The following RBCK1 variants were observed in gnomAD, a reference collection of about 807,000 sequenced individuals.
The protein encoded by RBCK1 is RANBP2-type and C3HC4-type zinc finger containing 1, also known as ranBP-type and C3HC4-type zinc finger-containing protein 1.
RBCK1 carries 44 observed loss-of-function variants against 71.1 expected under a neutral mutation model. The observed-to-expected ratio is 0.62, with a 90% CI of 0.49 to 0.80. The LOEUF (loss-of-function observed/expected upper bound fraction) is 0.80. RBCK1 is among the 30% of genes least tolerant of loss of function. RBCK1 has a pLI of 0.00. For missense variants in RBCK1, 569 were observed against 685.0 expected (o/e 0.83, Z 1.89); for synonymous variants, 306 against 279.7 (o/e 1.09, Z -0.94).
At chr20:427,001 T>TA (rs112886032) in intron 8 of RBCK1, among the ~76,000 whole-genome samples, 18,180 of 151,364 alleles carry the variant, frequency 0.12, 1,975 homozygotes, top group African/African-American at 0.29. Flanking sequence ...TTTTATTTTT[T>TA]AAAAAAATTT....
At position 420,896 on chromosome 20, in the gene RBCK1, A is replaced by G. The variant is rs377605009; in HGVS notation, c.782A>G (p.Asn261Ser). ...QQRKQQQQEG[N>S]YLQHVQLDQR... ...CGGAAGCAGCAGCAGCAGGAGGGGA[A>G]CTACCTGCAGCACGTCCAGCTGGAC... The change falls in exon 7 of 12, where the codon AAC becomes AGC. Residue 261 changes from asparagine to serine, a missense_variant. By Grantham distance (46) the Asn-to-Ser change is conservative. Transcript: ENST00000356286. 613 of 1,554,694 alleles carry G rather than the reference A, an allele frequency of 3.9e-4. No homozygotes were observed. Among genetic ancestry groups the G allele is most frequent in the Middle Eastern group, 2.4e-3 (11 of 4,566 alleles).
chr20:419,684 C>G lies in RBCK1; in HGVS notation c.709C>G (p.Arg237Gly), dbSNP rs762315366. The G allele has an allele frequency of 1.8e-5, 28 of 1,577,466 alleles. No homozygotes were observed. Among genetic ancestry groups the G allele is most frequent in the South Asian group, 4.6e-5 (4 of 87,036 alleles). ...CTCATACCAGCCCGACGAGGAGGAGCGAGCGCGCCTGGCGGGCGAGGAGGA... is the reference window on the plus strand; with the variant it reads ...CTCATACCAGCCCGACGAGGAGGAGGGAGCGCGCCTGGCGGGCGAGGAGGA... Reference protein sequence around the residue: ...PASYQPDEEERARLAGEEEAL... With the variant: ...PASYQPDEEEGARLAGEEEAL... Residue 237 changes from arginine (R) to glycine (G), a missense_variant, in exon 6 of 12, where the codon CGA becomes GGA. Physicochemically the swap from Arg to Gly is moderately radical, Grantham distance 125 (BLOSUM62 -2). Coordinates refer to ENST00000356286, the MANE Select transcript of RBCK1 (RefSeq NM_031229.4).
At chr20:418,064 G>A (rs983538178) in intron 4 of RBCK1, 134 bp downstream of exon 4, 6 of 890,022 alleles carry the variant, frequency 6.7e-6, no homozygotes, top group Non-Finnish European at 1.0e-5. Context: ...AAGTGGGGAA[G>A]AGAGGACCTA....
At chr20:411,639 C>T (rs6139113) in intron 2 of RBCK1, among the ~76,000 whole-genome samples, 26,725 of 152,094 alleles carry the variant, frequency 0.18, 2,697 homozygotes, top group East Asian at 0.3. Context: ...TGTGCTGGGA[C>T]TACAGGCGTG....
At chr20:410,520 A>AT in intron 2 of RBCK1, 1 of 779,794 alleles carries the variant, frequency 1.3e-6, no homozygotes, top group Non-Finnish European at 2.4e-6. Context: ...TAGCTCAAAA[A>AT]TTGTACACAC....
At position 428,571 on chromosome 20, in the gene RBCK1, G is replaced by A; in HGVS notation, c.1290G>A (p.Gln430=). Residue 430 remains glutamine (Q), a synonymous_variant, in exon 10 of 12, where the codon CAG becomes CAA. Coordinates refer to ENST00000356286, the MANE Select transcript of RBCK1 (RefSeq NM_031229.4). The surrounding 1 kb of genome is among the most constrained non-coding windows in gnomAD (Gnocchi z 5.7). The part of the protein sequence containing the change: ...LRAQNDVAAR[Q]TTEMLKVMLQ... The stretch of plus-strand genomic sequence containing the variant: ...CTCAGAACGATGTGGCTGCCCGGCA[G>A]ACGACAGAGATGCTGAAGGTGAGGC... 6.2e-7 allele frequency: 1 copy of A among 1,611,638 alleles called. No individual in the cohort carries two copies. The highest frequency in any genetic ancestry group is 8.5e-7 in the Non-Finnish European group (1 of 1,179,144).
intron 6 of RBCK1, 81 bp downstream of exon 6, chr20:419,812 G>T: frequency 6.8e-7 from 1 of 1,469,134 alleles, no homozygotes; most frequent in Non-Finnish European, 9.0e-7. Context: ...CCTGCGCACT[G>T]CCGCGCCTCT....
At chr20:420,751 C>T (rs2016365347) in intron 6 of RBCK1, 120 bp from the exon 7 acceptor site, 1 of 367,284 alleles carries the variant, frequency 2.7e-6, no homozygotes, top group Non-Finnish European at 4.4e-6. Context: ...TACTGGCTCC[C>T]AGCTTTGCCT....
chr20:423,272 C>G (rs928903673), intron 8 of RBCK1, among the ~76,000 whole-genome samples: 2 of 152,196 alleles, frequency 1.3e-5, no homozygotes, highest in African/African-American at 4.8e-5. Context: ...GCACTCCAGC[C>G]TGGGCAACCA....
chr20:427,436 G>C lies in RBCK1; in HGVS notation c.1153G>C (p.Asp385His), dbSNP rs762445622. ...DCKGWCFFED[D>H]VNEFTCPVCF... ...CAAGGGATGGTGCTTCTTTGAGGAT[G>C]ATGTCAATGAGTTCACCTGCCCTGT... is the stretch of plus-strand genomic sequence containing the variant. Residue 385 changes from aspartate to histidine, a missense_variant, in exon 9 of 12, where the codon GAT becomes CAT. Asp to His is a moderately conservative substitution (Grantham distance 81). Transcript: ENST00000356286. 10 of 1,614,164 alleles carry C rather than the reference G, an allele frequency of 6.2e-6. No individual in the cohort carries two copies. The highest frequency in any genetic ancestry group is 1.1e-5 in the South Asian group (1 of 91,076).
Position 428,626 on chromosome 20 carries a change from A to G in RBCK1, c.1308+37A>G, listed in dbSNP as rs2016858522. ...ACAGGGCCGAGGCCTAGGGATTTTA[A>G]GTTCTGGGATCCAGGTGGGGGCTGG... On this transcript the variant is annotated intron_variant, in intron 10 of 11. Transcript: ENST00000356286. This position sits in a 1 kb window ranked among gnomAD's most constrained non-coding sequence, Gnocchi z 5.7. 6.4e-7 allele frequency: 1 copy of G among 1,565,782 alleles called. No homozygotes were observed. Among genetic ancestry groups the G allele is most frequent in the African/African-American group, 1.4e-5 (1 of 73,738 alleles).
At chr20:429,836 T>G (rs2016928246) in intron 11 of RBCK1, among the ~76,000 whole-genome samples, 1 of 152,226 alleles carries the variant, frequency 6.6e-6, no homozygotes, top group Admixed American at 6.5e-5. Context: ...ATACTGACTG[T>G]GTGATTAGGC....
In RBCK1 at chr20:408,736, G is replaced by A. The variant is rs529733446; in HGVS notation, c.-22G>A. 6.2e-7 allele frequency: 1 copy of A among 1,612,540 alleles called. No individual in the cohort carries two copies. The highest frequency in any genetic ancestry group is 1.3e-5 in the African/African-American group (1 of 75,042). Reference sequence around the variant, plus strand: ...CCCAGGAGGCACGGTCCCCCCCAGGGGGATGGGCACAGCCACGCCAGATGG... The same window carrying A: ...CCCAGGAGGCACGGTCCCCCCCAGGAGGATGGGCACAGCCACGCCAGATGG... On this transcript the variant is annotated 5_prime_UTR_variant, in exon 1 of 12. Coordinates refer to ENST00000356286, the MANE Select transcript of RBCK1 (RefSeq NM_031229.4).
chr20:408,689 A>C lies in RBCK1; in HGVS notation c.-69A>C. Reference sequence around the variant, plus strand: ...TTGCTCCTGGTCTCCCGCCTCTCCCAGGCGACCCGGAGGTAGCATTTCCCA... The same window carrying C: ...TTGCTCCTGGTCTCCCGCCTCTCCCCGGCGACCCGGAGGTAGCATTTCCCA... On this transcript the variant is annotated 5_prime_UTR_variant, in exon 1 of 12. Transcript: ENST00000356286. 6.3e-7 allele frequency: 1 copy of C among 1,596,446 alleles called. No individual in the cohort carries two copies. Among genetic ancestry groups the C allele is most frequent in the Non-Finnish European group, 8.5e-7 (1 of 1,172,456 alleles).
chr20:417,680 T>C lies in RBCK1; in HGVS notation c.262-52T>C. 2 of 1,603,790 alleles carry C rather than the reference T, an allele frequency of 1.2e-6. No individual in the cohort carries two copies. The highest frequency in any genetic ancestry group is 1.7e-6 in the Non-Finnish European group (2 of 1,171,406). ...GGCTCTCCCTTTCACTCCTGCTTCC[T>C]CTCTCTCCTCTGGCCCTCCCTTCCC... On this transcript the variant is annotated intron_variant, in intron 3 of 11. Coordinates refer to ENST00000356286, the MANE Select transcript of RBCK1 (RefSeq NM_031229.4). The surrounding 1 kb of genome is among the most constrained non-coding windows in gnomAD (Gnocchi z 4.7).
rs149174797 is a variant in RBCK1, at chr20:417,506, G to T, written c.168-20G>T. 1.9e-3 allele frequency: 3,070 copies of T among 1,610,368 alleles called. 3 individuals carry two copies. The highest frequency in any genetic ancestry group is 2.3e-3 in the Non-Finnish European group (2,728 of 1,178,240). ...GACCCCTGGCCAGAGCCCATGCTGA[G>T]CCCCTGCTGTTCTCTGCAGGCTGTG... On this transcript the variant is annotated intron_variant, in intron 2 of 11. Transcript: ENST00000356286. This position sits in a 1 kb window ranked among gnomAD's most constrained non-coding sequence, Gnocchi z 4.7.
chr20:410,080 G>A lies in RBCK1; in HGVS notation c.167+55G>A, dbSNP rs139881961. ...AGGGACAGCAGGACAGGATATTCTT[G>A]CCTGTAGAACAGTTCTTCCTAATGG... On this transcript the variant is annotated intron_variant, in intron 2 of 11. Transcript: ENST00000356286. The A allele has an allele frequency of 1.1e-5, 17 of 1,570,034 alleles. No homozygotes were observed. The East Asian group carries it at 2.5e-4, about 23-fold the overall frequency.
At chr20:420,609 C>T (rs1013955077) in intron 6 of RBCK1, 1 of 947,180 alleles carries the variant, frequency 1.1e-6, no homozygotes, top group African/African-American at 2.1e-5. Flanking sequence ...CCCTTGGCTT[C>T]CCCACCTCCA....
rs1221251965 is a variant in RBCK1, at chr20:420,908, A to T, written c.794A>T (p.His265Leu). The T allele has an allele frequency of 6.4e-7, 1 of 1,554,184 alleles. No homozygotes were observed. Among genetic ancestry groups the T allele is most frequent in the South Asian group, 1.2e-5 (1 of 84,500 alleles). ...CAGCAGGAGGGGAACTACCTGCAGC[A>T]CGTCCAGCTGGACCAGAGGAGCCTG... ...QQQQEGNYLQHVQLDQRSLVL... is the reference protein window; with the variant it reads ...QQQQEGNYLQLVQLDQRSLVL... Residue 265 changes from histidine (H) to leucine (L), a missense_variant, in exon 7 of 12, where the codon CAC becomes CTC. This residue lies in a region of RBCK1 where 358 missense variants were observed against 375.6 expected (regional missense o/e 0.95). Coordinates refer to ENST00000356286, the MANE Select transcript of RBCK1 (RefSeq NM_031229.4).
Sources: allele counts gnomAD v4.1 joint callset (sites outside exome capture counted in the v4.1 genomes callset), GRCh38; gene constraint gnomAD v4.1.1; regional missense constraint gnomAD v4.1.1; non-coding constraint Gnocchi (gnomAD v3.1); transcripts MANE v1.5; gene names NCBI Gene and HGNC (gene_info 2026-07-23, HGNC 2026-07-21).